LYRM4: variants seen among roughly 807,000 people sequenced by gnomAD.
The protein encoded by LYRM4 is LYR motif-containing protein 4.
A neutral mutation model predicts 11.7 loss-of-function variants in LYRM4; 9 were observed. The ratio of observed to expected loss-of-function variants is 0.77; its 90% CI spans 0.46 to 1.34. The LOEUF (loss-of-function observed/expected upper bound fraction) is 1.34. Among genes scored for constraint, LYRM4 ranks in the 40% most tolerant of loss-of-function variants. LYRM4 has a pLI of 0.00. For synonymous variants in LYRM4, 42 were observed against 40.4 expected, an observed-to-expected ratio of 1.04 and a Z score of -0.15; for missense variants, 133 against 112.5, an observed-to-expected ratio of 1.18 and a Z score of -0.82.
chr6:5,234,026 A>G (rs1005517187), intron 1 of LYRM4, among the ~76,000 whole-genome samples: 1 of 152,154 alleles, frequency 6.6e-6, no homozygotes, highest in Non-Finnish European at 1.5e-5. Flanking sequence ...ACAACTAATC[A>G]TTTCATTTGG....
At chr6:5,190,632 G>A (rs905814043) in intron 2 of LYRM4, among the ~76,000 whole-genome samples, 1 of 151,968 alleles carries the variant, frequency 6.6e-6, no homozygotes, top group Non-Finnish European at 1.5e-5. Context: ...GCAGTCCCAT[G>A]AAATTACAAT....
chr6:5,063,202 G>A, the LYRM4 span, among the ~76,000 whole-genome samples: 2 of 152,058 alleles, frequency 1.3e-5, no homozygotes, highest in African/African-American at 4.8e-5. Flanking sequence ...TTTTTAGGAA[G>A]GCACTGAAAC....
chr6:5,117,266 C>T (rs55994182), intron 2 of LYRM4, among the ~76,000 whole-genome samples: 17 of 152,300 alleles, frequency 1.1e-4, no homozygotes, highest in East Asian at 3.9e-4. Flanking sequence ...TGTCAAGATG[C>T]GTATCATGGG....
At chr6:5,130,294 G>C (rs1270807077) in intron 2 of LYRM4, among the ~76,000 whole-genome samples, 1 of 149,626 alleles carries the variant, frequency 6.7e-6, no homozygotes, top group African/African-American at 2.5e-5. Flanking sequence ...GAGGAGACGT[G>C]TGAGCCCTGG....
chr6:5,257,265 A>G (rs1441090929), intron 1 of LYRM4, among the ~76,000 whole-genome samples: 1 of 151,682 alleles, frequency 6.6e-6, no homozygotes, highest in African/African-American at 2.4e-5. Context: ...CCCCAACCCC[A>G]TCATACTTAC....
chr6:5,149,022 A>C (rs903602223), intron 2 of LYRM4, among the ~76,000 whole-genome samples: 5 of 152,172 alleles, frequency 3.3e-5, no homozygotes, highest in Non-Finnish European at 7.3e-5. Context: ...ATTTCACATT[A>C]ATTATTATAT....
At chr6:5,113,245 C>T (rs1762964783) in intron 2 of LYRM4, 1 of 396,216 alleles carries the variant, frequency 2.5e-6, no homozygotes, top group Non-Finnish European at 5.1e-6. Context: ...CCAGCCTGAC[C>T]AACACGGTGA....
chr6:5,094,242 G>T, the LYRM4 span, among the ~76,000 whole-genome samples: 1 of 152,210 alleles, frequency 6.6e-6, no homozygotes, highest in Admixed American at 6.5e-5. Flanking sequence ...AGCACTTTGG[G>T]AGGCTGAGGC....
intron 2 of LYRM4, chr6:5,132,890 A>G (rs991954828): frequency 1.3e-5 from 2 of 152,252 alleles, no homozygotes; most frequent in African/African-American, 2.4e-5. Context: ...GCTGTGGCCT[A>G]TCAGTGCTCA....
chr6:5,057,972 G>A, the LYRM4 span, among the ~76,000 whole-genome samples: 12 of 152,098 alleles, frequency 7.9e-5, no homozygotes, highest in Admixed American at 4.6e-4. Flanking sequence ...GGCTGGTCTC[G>A]AAATTCCAGA....
At chr6:5,150,021 C>CACAGT (rs1417081971) in intron 2 of LYRM4, among the ~76,000 whole-genome samples, 2 of 152,212 alleles carry the variant, frequency 1.3e-5, no homozygotes, top group Non-Finnish European at 2.9e-5. Flanking sequence ...AGCAGATGAA[C>CACAGT]ACAGCAGCAT....
At chr6:5,172,654 C>G (rs1350380106) in intron 2 of LYRM4, among the ~76,000 whole-genome samples, 1 of 152,198 alleles carries the variant, frequency 6.6e-6, no homozygotes, top group African/African-American at 2.4e-5. Flanking sequence ...CTCACAGACA[C>G]TGTTTTGTTT....
At chr6:5,112,159 C>T (rs1030112160) in intron 2 of LYRM4, among the ~76,000 whole-genome samples, 10 of 152,162 alleles carry the variant, frequency 6.6e-5, no homozygotes, top group South Asian at 4.1e-4. Flanking sequence ...GCGGCACGCT[C>T]GCGAAGCCCG....
chr6:5,149,686 T>C (rs1370098763), intron 2 of LYRM4, among the ~76,000 whole-genome samples: 1 of 152,142 alleles, frequency 6.6e-6, no homozygotes, highest in Non-Finnish European at 1.5e-5. Flanking sequence ...GGGCTTCTTA[T>C]AAAGTTCTCA....
At chr6:5,259,721 TAA>T (rs1204658409) in intron 1 of LYRM4, among the ~76,000 whole-genome samples, 1 of 151,934 alleles carries the variant, frequency 6.6e-6, no homozygotes, top group African/African-American at 2.4e-5. Flanking sequence ...AGGCTTGAGG[TAA>T]AGAGATGAGT....
intron 1 of LYRM4, among the ~76,000 whole-genome samples, chr6:5,259,819 A>G (rs1375120840): frequency 6.6e-6 from 1 of 152,162 alleles, no homozygotes; most frequent in Non-Finnish European, 1.5e-5. Context: ...AAAACAAAAA[A>G]CAAATCTAAA....
chr6:5,038,478 C>T, the LYRM4 span, among the ~76,000 whole-genome samples: 2 of 67,328 alleles, frequency 3.0e-5, 1 homozygote, highest in African/African-American at 7.9e-5. Flanking sequence ...ACTTCCCAGA[C>T]GGGGTGGCGG....
intron 1 of LYRM4, among the ~76,000 whole-genome samples, chr6:5,257,537 C>A (rs1317190598): frequency 1.3e-5 from 2 of 152,190 alleles, no homozygotes; most frequent in Admixed American, 6.5e-5. Flanking sequence ...GGTCCCCAAC[C>A]CATCAGTACT....
At chr6:5,140,710 A>T (rs1757359317) in intron 2 of LYRM4, among the ~76,000 whole-genome samples, 1 of 152,242 alleles carries the variant, frequency 6.6e-6, no homozygotes. Context: ...ACCATTCAAC[A>T]AAAGCATGTT....
Sources: gnomAD v4.1 joint callset for allele counts (sites outside exome capture counted in the v4.1 genomes callset) on GRCh38, gnomAD v4.1.1 for gene constraint, MANE v1.5 for transcripts, NCBI Gene and HGNC (gene_info 2026-07-23, HGNC 2026-07-21) for gene names.